CLSPN: variants seen among roughly 807,000 people sequenced by gnomAD.
CLSPN encodes the protein claspin.
Under a neutral mutation model 156.3 loss-of-function variants are expected in CLSPN, and 85 were observed. The observed-to-expected ratio is 0.54, with a 90% confidence interval of 0.46 to 0.65. The LOEUF (loss-of-function observed/expected upper bound fraction) is 0.65, where lower values mean the gene tolerates loss of function less well. Among genes scored for constraint, CLSPN ranks in the 30% least tolerant of loss-of-function variants. The probability of loss-of-function intolerance (pLI) is 0.00; values close to 1 mark genes in which losing one functional copy is unlikely to be tolerated. For missense variants in CLSPN, 1,407 were observed against 1,554.9 expected, an observed-to-expected ratio of 0.90 and a Z score of 1.60; for synonymous variants, 534 against 542.4, an observed-to-expected ratio of 0.98 and a Z score of 0.22.
In CLSPN at chr1:35,722,629, CTCTT is replaced by C. The variant is rs529119607; in HGVS notation, c.3910-1653_3910-1650del. Reference sequence around the variant, plus strand: ...TAAAGGAAATCAGATTGTAGTCTCTCTCTTTCTTTTTTTTTTCCCTGAGACGGAG... The same window carrying C: ...TAAAGGAAATCAGATTGTAGTCTCTCTCTTTTTTTTTTCCCTGAGACGGAG... On this transcript the variant is annotated intron_variant, in intron 24 of 24. Transcript: ENST00000251195. 5.7e-4 allele frequency among the ~76,000 whole-genome samples: 86 copies of C among 151,882 alleles called. No individual in the cohort carries two copies. In the Middle Eastern group the frequency reaches 0.01, roughly 18 times the overall value.
chr1:35,744,006 CATAAT>C (rs1396827072), intron 16 of CLSPN, among the ~76,000 whole-genome samples: 6 of 152,174 alleles, frequency 3.9e-5, no homozygotes, highest in African/African-American at 1.4e-4. Flanking sequence ...GTAAAATACA[CATAAT>C]ATAAAATTTG....
At chr1:35,757,548 C>G (rs1305905600) in intron 8 of CLSPN, among the ~76,000 whole-genome samples, 1 of 152,144 alleles carries the variant, frequency 6.6e-6, no homozygotes, top group Non-Finnish European at 1.5e-5. Context: ...GAGCCTCAGT[C>G]TCTTCATTTT....
intron 1 of CLSPN, 43 bp from the exon 2 acceptor site, chr1:35,765,369 G>A (rs1006218734): frequency 3.7e-6 from 5 of 1,356,980 alleles, no homozygotes; most frequent in South Asian, 2.3e-5. Flanking sequence ...GCAGGTGACC[G>A]AAAGCTCCAA....
chr1:35,760,555 G>A lies in CLSPN; in HGVS notation c.1366C>T (p.Leu456=). 3 of 1,614,166 alleles carry A rather than the reference G, an allele frequency of 1.9e-6. No homozygotes were observed. The highest frequency in any genetic ancestry group is 2.5e-6 in the Non-Finnish European group (3 of 1,180,032). The part of the protein sequence containing the change: ...GGLVAFEPHA[L]EGEGPQNPEE... Reference sequence around the variant, plus strand: ...GGATTTTGGGGGCCTTCACCCTCCAGGGCATGAGGTTCAAATGCTACAAGC... The same window carrying A: ...GGATTTTGGGGGCCTTCACCCTCCAAGGCATGAGGTTCAAATGCTACAAGC... Residue 456 remains leucine (L), a synonymous_variant, in exon 8 of 25, where the codon CTG becomes TTG. Transcript: ENST00000318121.
chr1:35,763,641 T>C (rs988677224), intron 3 of CLSPN, among the ~76,000 whole-genome samples: 7 of 152,162 alleles, frequency 4.6e-5, no homozygotes, highest in Admixed American at 1.3e-4. Flanking sequence ...GATAGATGCA[T>C]AAAAAAGCCT....
Position 35,736,310 on chromosome 1 carries a change from G to T in CLSPN, c.*186C>A. On this transcript the variant is annotated 3_prime_UTR_variant, in exon 25 of 25. Coordinates refer to ENST00000318121, the MANE Select transcript of CLSPN (RefSeq NM_022111.4). ...AGAATTGAAATCAGTGGCCAATTCA[G>T]GGAATAATACTAGGAAAAGAGATGT... is the stretch of plus-strand genomic sequence containing the variant. The T allele has an allele frequency of 8.2e-7, 1 of 1,226,458 alleles. No individual in the cohort carries two copies. The highest frequency in any genetic ancestry group is 1.6e-5 in the African/African-American group (1 of 64,104). The allele number at this position is 1,226,458 out of a possible 1,614,324, so 76.0% of individuals were successfully genotyped here.
intron 6 of CLSPN, 116 bp from the exon 7 acceptor site, chr1:35,761,320 T>C (rs1050865297): frequency 1.3e-5 from 8 of 622,666 alleles, no homozygotes; most frequent in African/African-American, 5.7e-5. Flanking sequence ...AAAACTCCCC[T>C]TTAACAAAGG....
In CLSPN at chr1:35,765,863, C is replaced by T. The variant is rs189692401; in HGVS notation, c.25-537G>A. Among the ~76,000 whole-genome samples the T allele has an allele frequency of 4.7e-4, 71 of 152,214 alleles. 1 individual carries two copies. The highest frequency in any genetic ancestry group is 4.6e-3 in the Admixed American group (71 of 15,274). ...CAATCAAATTTGAATCCTATCAAGT[C>T]TCTAGATCTAACTAGCAAGTTATAG... On this transcript the variant is annotated intron_variant, in intron 1 of 24. Coordinates refer to ENST00000318121, the MANE Select transcript of CLSPN (RefSeq NM_022111.4).
chr1:35,739,547 G>A lies in CLSPN; in HGVS notation c.3144-18C>T, dbSNP rs765095185. On this transcript the variant is annotated intron_variant, in intron 18 of 24. Coordinates refer to ENST00000318121, the MANE Select transcript of CLSPN (RefSeq NM_022111.4). The stretch of plus-strand genomic sequence containing the variant: ...TCAACCTCCTAGAAAGCAATTTTGA[G>A]GATTAGAAAATGCAACAATGAATAT... 2.6e-5 allele frequency: 42 copies of A among 1,603,096 alleles called. 1 individual carries two copies. In the South Asian group the frequency reaches 4.2e-4, roughly 16 times the overall value.
intron 3 of CLSPN, 84 bp downstream of exon 3, chr1:35,764,182 C>T (rs1642586939): frequency 1.3e-6 from 1 of 783,118 alleles, no homozygotes; most frequent in African/African-American, 1.7e-5. Flanking sequence ...AGTCAGAGAG[C>T]AGAAACAACC....
chr1:35,723,168 A>G (rs1173403103), intron 24 of CLSPN, among the ~76,000 whole-genome samples: 1 of 152,236 alleles, frequency 6.6e-6, no homozygotes, highest in Non-Finnish European at 1.5e-5. Flanking sequence ...ACACCAGAGA[A>G]TAATTCACCC....
rs1471966185 is a variant in CLSPN, at chr1:35,764,307, C to T, written c.541G>A (p.Glu181Lys). Residue 181 changes from glutamate (E) to lysine (K), a missense_variant, in exon 3 of 25, where the codon GAA becomes AAA. By Grantham distance (56) the Glu-to-Lys change is moderately conservative. Coordinates refer to ENST00000318121, the MANE Select transcript of CLSPN (RefSeq NM_022111.4). ...TTCTTTTTTAGCTGTCTAATTTTTT[C>T]CATTTTTCTCTCCTCTTTCTCAAGT... Reference protein sequence around the residue: ...RRLEKEERKMEKIRQLKKKET... With the variant: ...RRLEKEERKMKKIRQLKKKET... 1.9e-6 allele frequency: 3 copies of T among 1,580,016 alleles called. No individual in the cohort carries two copies. The highest frequency in any genetic ancestry group is 2.0e-5 in the Admixed American group (1 of 50,012).
intron 7 of CLSPN, 81 bp from the exon 8 acceptor site, chr1:35,760,997 T>A (rs1642458101): frequency 7.1e-7 from 1 of 1,417,624 alleles, no homozygotes; most frequent in Admixed American, 1.8e-5. Context: ...ATCAGTTAAA[T>A]CAGTTTTAAG....
rs779385516 is a variant in CLSPN, at chr1:35,738,562, A to T, written c.3451T>A (p.Leu1151Met). 9 of 1,614,014 alleles carry T rather than the reference A, an allele frequency of 5.6e-6. 1 individual carries two copies. In the South Asian group the frequency reaches 9.9e-5, roughly 18 times the overall value. The change falls in exon 21 of 25, where the codon TTG becomes ATG. Residue 1151 changes from leucine to methionine, a missense_variant. Leu to Met is a conservative substitution (Grantham distance 15, BLOSUM62 2). Transcript: ENST00000318121. ...TCATCATCAGAGTCTCTGTGGAACA[A>T]GTCCATCTGGGAAGCATCATCTAAA... ...KNIDDASQMD[L>M]FHRDSDDDQT...
chr1:35,734,133 G>T lies in CLSPN; in HGVS notation c.*2363C>A. ...AGCCAGTGAGGGGACAATTGCAGCA[G>T]CTTCTCAGTTTAGACCCAGAGGGTT... On this transcript the variant is annotated 3_prime_UTR_variant, in exon 25 of 25. Coordinates refer to ENST00000318121, the MANE Select transcript of CLSPN (RefSeq NM_022111.4). The T allele has an allele frequency of 1.0e-6, 1 of 985,430 alleles. No homozygotes were observed. 61.0% of individuals were successfully genotyped at this position (985,430 alleles called of 1,614,324 possible). A position where few individuals can be genotyped will look rare whatever the true frequency, so the allele number is the denominator to read the frequency against.
At chr1:35,761,909 G>T in intron 6 of CLSPN, 89 bp downstream of exon 6, 2 of 804,486 alleles carry the variant, frequency 2.5e-6, no homozygotes, top group Non-Finnish European at 4.3e-6. Flanking sequence ...CACATTAGAA[G>T]TGTTAAAAAA....
In CLSPN at chr1:35,732,963, C is replaced by A. The variant is rs1035801357; in HGVS notation, c.*3533G>T. On this transcript the variant is annotated 3_prime_UTR_variant, in exon 25 of 25. Transcript: ENST00000318121. ...AGGAGCCTCAATCAGAAACCATTTT[C>A]TTTCTTTCTTTTTTTTTTTGAGAGG... 11 of 984,854 alleles carry A rather than the reference C, an allele frequency of 1.1e-5. No individual in the cohort carries two copies. Among genetic ancestry groups the A allele is most frequent in the Non-Finnish European group, 1.3e-5 (11 of 829,526 alleles). The allele number at this position is 984,854 out of a possible 1,614,324, so 61.0% of individuals were successfully genotyped here.
rs931929307 is a variant in CLSPN at position 35,746,676 on chromosome 1, G to A, written c.2854+90C>T. 6 of 850,922 alleles carry A rather than the reference G, an allele frequency of 7.1e-6. No individual in the cohort carries two copies. The highest frequency in any genetic ancestry group is 9.7e-6 in the Non-Finnish European group (5 of 515,844). 52.7% of individuals were successfully genotyped at this position (850,922 alleles called of 1,614,324 possible). On this transcript the variant is annotated intron_variant, in intron 15 of 24. Coordinates refer to ENST00000318121, the MANE Select transcript of CLSPN (RefSeq NM_022111.4). The surrounding 1 kb of genome is among the most constrained non-coding windows in gnomAD (Gnocchi z 4.2). The stretch of plus-strand genomic sequence containing the variant: ...GCCTCCCAAAGTTCTAGGATTACAG[G>A]CATGAGCCACCCCACCCGCCCAGGG...
intron 9 of CLSPN, 104 bp downstream of exon 9, chr1:35,753,640 AG>A: frequency 8.9e-7 from 1 of 1,122,072 alleles, no homozygotes; most frequent in Non-Finnish European, 1.3e-6. Context: ...AAAGCCTCCA[AG>A]GAAAAAGATT....
Sources: allele counts gnomAD v4.1 joint callset (sites outside exome capture counted in the v4.1 genomes callset), GRCh38; gene constraint gnomAD v4.1.1; non-coding constraint Gnocchi (gnomAD v3.1); transcripts MANE v1.5; gene names NCBI Gene and HGNC (gene_info 2026-07-23, HGNC 2026-07-21).